Variants in METTL15 observed in about 807,000 individuals in gnomAD.
The protein encoded by METTL15 is 12S rRNA N(4)-cytidine methyltransferase METTL15.
Under a neutral mutation model 38.3 loss-of-function variants are expected in METTL15, and 34 were observed. The observed-to-expected ratio is 0.89, with a 90% CI of 0.68 to 1.18. The LOEUF (loss-of-function observed/expected upper bound fraction) is 1.18, where lower values mean the gene tolerates loss of function less well. Among genes scored for constraint, METTL15 ranks in the 50% most tolerant of loss-of-function variants. The pLI is 0.00. For missense variants in METTL15, 438 were observed against 498.4 expected, an observed-to-expected ratio of 0.88 and a Z score of 1.15; for synonymous variants, 162 against 170.9, an observed-to-expected ratio of 0.95 and a Z score of 0.41.
chr11:28,312,056 A>G (rs1031074875), intron 6 of METTL15, among the ~76,000 whole-genome samples: 1 of 152,178 alleles, frequency 6.6e-6, no homozygotes, highest in Non-Finnish European at 1.5e-5. Flanking sequence ...CCCAGCTGCT[A>G]CTTTATCCTC....
intron 6 of METTL15, among the ~76,000 whole-genome samples, chr11:28,525,539 C>G (rs1851803004): frequency 6.6e-6 from 1 of 151,982 alleles, no homozygotes; most frequent in African/African-American, 2.4e-5. Context: ...CTCCAAGTCC[C>G]CACCAGATAC....
At position 28,211,107 on chromosome 11, in the gene METTL15, A is replaced by C. The variant is rs577282708; in HGVS notation, c.316A>C (p.Ile106Leu). Residue 106 changes from isoleucine to leucine, a missense_variant, in exon 4 of 7, where the codon ATT (isoleucine) becomes CTT (leucine). By Grantham distance (5) the Ile-to-Leu change is conservative (BLOSUM62 2). Coordinates refer to ENST00000407364, the MANE Select transcript of METTL15 (RefSeq NM_001113528.2). ...TFGSGGHTKA[I>L]LQKESDIVLY... The stretch of plus-strand genomic sequence containing the variant: ...TGGTTCGGGAGGGCACACAAAAGCC[A>C]TTCTGCAGAAGGAGTCAGATATTGT... 3.7e-6 allele frequency: 6 copies of C among 1,612,254 alleles called. No homozygotes were observed. The Admixed American group carries it at 5.0e-5, about 13-fold the overall frequency.
intron 5 of METTL15, among the ~76,000 whole-genome samples, chr11:28,407,274 G>A (rs563029835): frequency 2.6e-5 from 4 of 152,072 alleles, no homozygotes; most frequent in Non-Finnish European, 4.4e-5. Context: ...TGATGAAAAC[G>A]TCAAAAGTAT....
At chr11:28,335,781 C>T (rs141606635), downstream of METTL15, among the ~76,000 whole-genome samples, 1 of 152,270 alleles carries the variant, frequency 6.6e-6, no homozygotes, top group East Asian at 1.9e-4. Flanking sequence ...TGCCTTCGAC[C>T]ATAAGAGGAT....
chr11:28,252,812 C>T (rs931183029), intron 4 of METTL15, among the ~76,000 whole-genome samples: 2 of 152,038 alleles, frequency 1.3e-5, no homozygotes, highest in Admixed American at 1.3e-4. Flanking sequence ...TAAAGTTGTC[C>T]ACGTCCACTC....
At chr11:28,455,338 A>G (rs1332040726) in intron 6 of METTL15, among the ~76,000 whole-genome samples, 1 of 143,196 alleles carries the variant, frequency 7.0e-6, no homozygotes, top group Non-Finnish European at 1.5e-5. Context: ...TAAATGTTTT[A>G]TGCCCTTCAT....
chr11:28,301,168 C>T (rs1162272338), intron 6 of METTL15, among the ~76,000 whole-genome samples: 1 of 152,054 alleles, frequency 6.6e-6, no homozygotes, highest in Non-Finnish European at 1.5e-5. Flanking sequence ...GTCTTTGTTC[C>T]AGCCATATTG....
At chr11:28,281,371 G>A (rs1856049241) in intron 4 of METTL15, among the ~76,000 whole-genome samples, 1 of 152,080 alleles carries the variant, frequency 6.6e-6, no homozygotes, top group African/African-American at 2.4e-5. Context: ...ATCCAATGAA[G>A]CTGCCGAAAG....
intron 5 of METTL15, among the ~76,000 whole-genome samples, chr11:28,396,761 A>C (rs1850573997): frequency 6.6e-6 from 1 of 152,194 alleles, no homozygotes; most frequent in Non-Finnish European, 1.5e-5. Context: ...ATATGGAATC[A>C]AAAAAGAGCC....
intron 4 of METTL15, among the ~76,000 whole-genome samples, chr11:28,352,538 A>C (rs1331625262): frequency 6.6e-6 from 1 of 152,184 alleles, no homozygotes; most frequent in East Asian, 1.9e-4. Flanking sequence ...ACATTTTTAC[A>C]TACTAAGTCA....
intron 6 of METTL15, among the ~76,000 whole-genome samples, chr11:28,499,137 G>A (rs771935613): frequency 6.6e-6 from 1 of 152,134 alleles, no homozygotes; most frequent in African/African-American, 2.4e-5. Context: ...CTCAGATTCA[G>A]GGGTCTACCT....
chr11:28,125,751 A>T (rs1485602813), intron 3 of METTL15: 1 of 152,094 alleles, frequency 6.6e-6, no homozygotes, highest in Non-Finnish European at 1.5e-5. Flanking sequence ...AAATTGCTGT[A>T]ACTGTTTTGT....
At chr11:28,225,975 G>C (rs1853461274) in intron 4 of METTL15, among the ~76,000 whole-genome samples, 1 of 151,784 alleles carries the variant, frequency 6.6e-6, no homozygotes, top group Non-Finnish European at 1.5e-5. Context: ...GTTGTTTATG[G>C]TTTTTATTGT....
chr11:28,461,797 G>T (rs1851217917), intron 6 of METTL15, among the ~76,000 whole-genome samples: 1 of 152,066 alleles, frequency 6.6e-6, no homozygotes, highest in Non-Finnish European at 1.5e-5. Context: ...ATATTATGTA[G>T]TGATCAAGTC....
At position 28,421,906 on chromosome 11, in the gene METTL15, T is replaced by G. The variant is rs1203523603; in HGVS notation, c.*359-2393T>G. On this transcript the variant is annotated intron_variant and NMD_transcript_variant, in intron 5 of 7. Coordinates refer to the METTL15 transcript ENST00000532947. ...AAAGGAATAAGTCCAGTTATCCTTT[T>G]ATGCTAATGATATGATCTTATATTT... Among the ~76,000 whole-genome samples the G allele has an allele frequency of 2.6e-5, 4 of 152,042 alleles. No homozygotes were observed. The East Asian group carries it at 7.7e-4, about 29-fold the overall frequency.
intron 6 of METTL15, among the ~76,000 whole-genome samples, chr11:28,501,013 C>T (rs915738112): frequency 1.1e-4 from 16 of 152,232 alleles, no homozygotes; most frequent in East Asian, 5.8e-4. Context: ...GTTTTTTAAG[C>T]GGAACTAATA....
At chr11:28,346,727 G>A (rs557273401) in intron 3 of METTL15, among the ~76,000 whole-genome samples, 1 of 152,242 alleles carries the variant, frequency 6.6e-6, no homozygotes, top group African/African-American at 2.4e-5. Flanking sequence ...CTAAATAGAA[G>A]TCAAATTTAT....
chr11:28,229,706 C>T (rs1471669393), intron 4 of METTL15, among the ~76,000 whole-genome samples: 1 of 151,930 alleles, frequency 6.6e-6, no homozygotes, highest in African/African-American at 2.4e-5. Flanking sequence ...TTCCCAGCCT[C>T]TAGAACTATG....
Position 28,441,673 on chromosome 11 carries a change from C to T in METTL15, c.*424+17309C>T, listed in dbSNP as rs1380104250. On this transcript the variant is annotated intron_variant and NMD_transcript_variant, in intron 6 of 7. Transcript: ENST00000532947. ...TTTTCATCTGGGGCCTCTCCCATCA[C>T]TTCATTCCATTTGCATTCATTTTGC... 2.0e-5 allele frequency among the ~76,000 whole-genome samples: 3 copies of T among 152,192 alleles called. 1 individual carries two copies.
Sources: allele counts gnomAD v4.1 joint callset (sites outside exome capture counted in the v4.1 genomes callset), GRCh38; gene constraint gnomAD v4.1.1; transcripts MANE v1.5; gene names NCBI Gene and HGNC (gene_info 2026-07-23, HGNC 2026-07-21).